Variants in SLC30A6 observed in about 807,000 individuals in gnomAD.
The protein encoded by SLC30A6 is zinc transporter 6.
Under a neutral mutation model 63.0 loss-of-function variants are expected in SLC30A6, and 55 were observed. The ratio of observed to expected loss-of-function variants is 0.87; its 90% confidence interval spans 0.70 to 1.09. SLC30A6 has a LOEUF of 1.09. Ranked by LOEUF, SLC30A6 falls within the 50% of genes least tolerant of loss-of-function variation. The pLI is 0.00. For synonymous variants in SLC30A6, 224 were observed against 186.1 expected (o/e 1.20, Z -1.66); for missense variants, 587 against 549.2 (o/e 1.07, Z -0.69).
intron 4 of SLC30A6, among the ~76,000 whole-genome samples, chr2:32,179,214 C>T (rs1054122826): frequency 3.9e-5 from 6 of 152,112 alleles, no homozygotes; most frequent in African/African-American, 7.2e-5. Context: ...TGCAGCATCT[C>T]GAGGGCAATT....
At chr2:32,204,148 G>C (rs1684538384) in intron 10 of SLC30A6, 2 of 366,964 alleles carry the variant, frequency 5.5e-6, no homozygotes, top group Non-Finnish European at 9.8e-6. Context: ...TATTTCACAA[G>C]AATGATTGTA....
At chr2:32,171,683 TTC>T (rs1476707684) in intron 2 of SLC30A6, among the ~76,000 whole-genome samples, 1 of 135,952 alleles carries the variant, frequency 7.4e-6, no homozygotes, top group Non-Finnish European at 1.6e-5. Context: ...AAGCCATGTT[TTC>T]TCTTTTATTT....
intron 7 of SLC30A6, among the ~76,000 whole-genome samples, 153 bp downstream of exon 7, chr2:32,193,106 C>T (rs192948701): frequency 2.0e-5 from 3 of 152,146 alleles, no homozygotes; most frequent in Non-Finnish European, 2.9e-5. Context: ...ACTAAGACTC[C>T]GTTTCTTTAC....
At position 32,170,010 on chromosome 2, in the gene SLC30A6, G is replaced by T. The variant is rs142083264; in HGVS notation, c.4-1277G>T. On this transcript the variant is annotated intron_variant, in intron 1 of 13. Transcript: ENST00000282587. ...TATAGAGAAAATTGGCCTATTGTCT[G>T]TTGTGAATTATAGTTTTTTTTCAGT... Among the ~76,000 whole-genome samples, 7 of 152,210 alleles carry T rather than the reference G, an allele frequency of 4.6e-5. No homozygotes were observed. The East Asian group carries it at 1.4e-3, about 29-fold the overall frequency.
In SLC30A6 at chr2:32,204,585, T is replaced by G; in HGVS notation, c.666-5T>G. 1.2e-6 allele frequency: 2 copies of G among 1,600,924 alleles called. No individual in the cohort carries two copies. The highest frequency in any genetic ancestry group is 1.7e-6 in the Non-Finnish European group (2 of 1,169,938). Reference sequence around the variant, plus strand: ...TTAAAATTTAGAATTGTTTTTTCCTTTTAGTAATTATTTTGCCGTAGACAC... The same window carrying G: ...TTAAAATTTAGAATTGTTTTTTCCTGTTAGTAATTATTTTGCCGTAGACAC... On this transcript the variant is annotated splice_polypyrimidine_tract_variant and splice_region_variant and intron_variant, in intron 10 of 13. Coordinates refer to ENST00000282587, the MANE Select transcript of SLC30A6 (RefSeq NM_017964.5).
intron 1 of SLC30A6, among the ~76,000 whole-genome samples, chr2:32,166,550 T>C (rs1384962213): frequency 6.6e-6 from 1 of 152,252 alleles, no homozygotes; most frequent in African/African-American, 2.4e-5. Context: ...TTGTTAGAAT[T>C]AGTCATTCTT....
intron 5 of SLC30A6, among the ~76,000 whole-genome samples, chr2:32,191,080 C>G (rs1683284776): frequency 6.6e-6 from 1 of 152,318 alleles, no homozygotes; most frequent in Non-Finnish European, 1.5e-5. Flanking sequence ...CTATTGATAT[C>G]TGGTAGTATA....
At chr2:32,174,011 C>A in intron 2 of SLC30A6, 52 bp from the exon 3 acceptor site, 1 of 1,370,322 alleles carries the variant, frequency 7.3e-7, no homozygotes, top group East Asian at 2.3e-5. Context: ...TTGAACAGAC[C>A]CCGTGAAATT....
At chr2:32,185,808 C>T (rs1195193956) in intron 5 of SLC30A6, among the ~76,000 whole-genome samples, 3 of 151,952 alleles carry the variant, frequency 2.0e-5, no homozygotes, top group Non-Finnish European at 4.4e-5. Context: ...CAGGCTCTGC[C>T]TTCCGGGTTC....
At position 32,175,351 on chromosome 2, in the gene SLC30A6, G is replaced by T. The variant is rs766888632; in HGVS notation, c.208G>T (p.Asp70Tyr). 9.3e-6 allele frequency: 15 copies of T among 1,610,536 alleles called. No individual in the cohort carries two copies. The highest frequency in any genetic ancestry group is 1.7e-5 in the Admixed American group (1 of 59,520). ...TGCCTATACTTACCTGACCATTTTTGATCTTTTTAGGTAAGTTTTTAGGAA... is the reference window on the plus strand; with the variant it reads ...TGCCTATACTTACCTGACCATTTTTTATCTTTTTAGGTAAGTTTTTAGGAA... The part of the protein sequence containing the change: ...LTAYTYLTIF[D>Y]LFSLMTCLIS... Residue 70 changes from aspartate to tyrosine, a missense_variant, in exon 4 of 14, where the codon GAT becomes TAT. Transcript: ENST00000282587.
At chr2:32,216,771 C>A (rs1685748429) in intron 13 of SLC30A6, among the ~76,000 whole-genome samples, 10 of 150,976 alleles carry the variant, frequency 6.6e-5, no homozygotes, top group Admixed American at 6.6e-4. Flanking sequence ...TTTGCTTGTT[C>A]AGTTTTTAAG....
chr2:32,200,950 C>T (rs1473339847), intron 10 of SLC30A6, among the ~76,000 whole-genome samples: 1 of 152,234 alleles, frequency 6.6e-6, no homozygotes, highest in African/African-American at 2.4e-5. Flanking sequence ...AACCATCCAT[C>T]TATCTATTCC....
intron 2 of SLC30A6, among the ~76,000 whole-genome samples, chr2:32,172,142 T>A (rs556218975): frequency 1.3e-5 from 2 of 152,254 alleles, no homozygotes; most frequent in African/African-American, 4.8e-5. Context: ...TGATAAACTC[T>A]CTGAGGGAAG....
chr2:32,217,396 C>A (rs941306749), intron 13 of SLC30A6, among the ~76,000 whole-genome samples: 2 of 152,100 alleles, frequency 1.3e-5, no homozygotes, highest in Non-Finnish European at 2.9e-5. Flanking sequence ...GGCTTTATTT[C>A]TGGGTTCTTT....
chr2:32,203,310 A>G, intron 10 of SLC30A6: 2 of 923,780 alleles, frequency 2.2e-6, no homozygotes, highest in African/African-American at 1.6e-5. Flanking sequence ...AGATATGTGG[A>G]ACAAAAAGTA....
At chr2:32,171,452 A>C (rs1232181831) in intron 2 of SLC30A6, 79 bp downstream of exon 2, 4 of 1,118,220 alleles carry the variant, frequency 3.6e-6, no homozygotes, top group Non-Finnish European at 5.4e-6. Flanking sequence ...TTTTAAGGCC[A>C]ATAGAAATCA....
At chr2:32,213,404 A>G (rs1444500928) in intron 13 of SLC30A6, among the ~76,000 whole-genome samples, 3 of 147,464 alleles carry the variant, frequency 2.0e-5, no homozygotes, top group Non-Finnish European at 3.0e-5. Context: ...GTATTTGCCC[A>G]CTGTTGTAAT....
At chr2:32,210,372 G>A (rs781672788) in intron 13 of SLC30A6, among the ~76,000 whole-genome samples, 9 of 151,828 alleles carry the variant, frequency 5.9e-5, no homozygotes, top group Non-Finnish European at 7.4e-5. Flanking sequence ...TTAGCTGGGC[G>A]TGGGGTGTGG....
rs1681498188 is a variant in SLC30A6 at position 32,174,201 on chromosome 2, A to C, written c.175+54A>C. On this transcript the variant is annotated intron_variant, in intron 3 of 13. Coordinates refer to ENST00000282587, the MANE Select transcript of SLC30A6 (RefSeq NM_017964.5). ...TGTTATTTTTACTTTTATTTTTCTCATTGGAAATAAAGGTATATCTTACAT... is the reference window on the plus strand; with the variant it reads ...TGTTATTTTTACTTTTATTTTTCTCCTTGGAAATAAAGGTATATCTTACAT... 1.9e-5 allele frequency: 26 copies of C among 1,338,894 alleles called. No individual in the cohort carries two copies. The South Asian group carries it at 2.7e-4, about 14-fold the overall frequency. The allele number at this position is 1,338,894 out of a possible 1,614,324, so 82.9% of individuals were successfully genotyped here. A position where few individuals can be genotyped will look rare whatever the true frequency, so the allele number is the denominator to read the frequency against.
Sources: gnomAD v4.1 joint callset for allele counts (sites outside exome capture counted in the v4.1 genomes callset) on GRCh38, gnomAD v4.1.1 for gene constraint, MANE v1.5 for transcripts, NCBI Gene and HGNC (gene_info 2026-07-23, HGNC 2026-07-21) for gene names.